Variants in XIRP2 observed in about 807,000 individuals in gnomAD.
XIRP2 encodes the protein xin actin-binding repeat-containing protein 2.
In XIRP2, 236 loss-of-function variants were observed where a neutral mutation model predicts 277.0. That is an observed-to-expected ratio of 0.85 (90% CI 0.77 to 0.95). The LOEUF (loss-of-function observed/expected upper bound fraction) is 0.95, where lower values mean the gene tolerates loss of function less well. Among genes scored for constraint, XIRP2 ranks in the 40% least tolerant of loss-of-function variants. XIRP2 has a pLI of 0.00. For missense variants in XIRP2, 4,640 were observed against 4,157.5 expected, an observed-to-expected ratio of 1.12 and a Z score of -3.19; for synonymous variants, 1,490 against 1,416.5, an observed-to-expected ratio of 1.05 and a Z score of -1.17.
chr2:166,997,936 G>A (rs1434861871), intron 2 of XIRP2, among the ~76,000 whole-genome samples: 1 of 151,676 alleles, frequency 6.6e-6, no homozygotes, highest in African/African-American at 2.4e-5. Flanking sequence ...AAGTTCAGTT[G>A]ACTAACGCTT....
At chr2:167,027,078 G>T (rs1688183220) in intron 2 of XIRP2, among the ~76,000 whole-genome samples, 1 of 152,048 alleles carries the variant, frequency 6.6e-6, no homozygotes, top group African/African-American at 2.4e-5. Context: ...AAGTTCTCCT[G>T]GATAATATCC....
intron 1 of XIRP2, among the ~76,000 whole-genome samples, chr2:166,891,052 G>A (rs921251869): frequency 2.0e-5 from 3 of 152,132 alleles, no homozygotes; most frequent in South Asian, 2.1e-4. Flanking sequence ...GCTATCTGGC[G>A]ACGTATGTCC....
At chr2:167,136,979 G>T (rs1691571790) in intron 3 of XIRP2, among the ~76,000 whole-genome samples, 1 of 152,172 alleles carries the variant, frequency 6.6e-6, no homozygotes, top group Non-Finnish European at 1.5e-5. Context: ...ATCACCTGGA[G>T]GCTTATTAGA....
At chr2:167,107,945 A>G (rs1690655991) in intron 2 of XIRP2, among the ~76,000 whole-genome samples, 1 of 151,662 alleles carries the variant, frequency 6.6e-6, no homozygotes, top group Non-Finnish European at 1.5e-5. Flanking sequence ...TTCCTATTGA[A>G]TGAGTTTTGA....
chr2:166,969,612 A>G (rs1172546865), intron 2 of XIRP2, among the ~76,000 whole-genome samples: 1 of 151,918 alleles, frequency 6.6e-6, no homozygotes, highest in Non-Finnish European at 1.5e-5. Flanking sequence ...TTCATATATG[A>G]CTTTTCTAAA....
Position 167,242,619 on chromosome 2 carries a change from C to T in XIRP2, c.1227C>T (p.Thr409=). 6.2e-7 allele frequency: 1 copy of T among 1,613,962 alleles called. No individual in the cohort carries two copies. Among genetic ancestry groups the T allele is most frequent in the Middle Eastern group, 1.6e-4 (1 of 6,062 alleles). ...TCAAGCCATCATCAGTTGTGAGTACCTCTTCCACTTCTTGCGTTTCAACCA... is the reference window on the plus strand; with the variant it reads ...TCAAGCCATCATCAGTTGTGAGTACTTCTTCCACTTCTTGCGTTTCAACCA... ...ETFKPSSVVS[T]SSTSCVSTSQ... Residue 409 remains threonine, a synonymous_variant, in exon 9 of 11, where the codon ACC becomes ACT. Transcript: ENST00000409195.
Position 167,247,157 on chromosome 2 carries a change from T to A in XIRP2, c.5765T>A (p.Leu1922Gln). The A allele has an allele frequency of 6.2e-7, 1 of 1,613,606 alleles. No individual in the cohort carries two copies. The highest frequency in any genetic ancestry group is 1.1e-5 in the South Asian group (1 of 91,064). The change falls in exon 9 of 11, where the codon CTG becomes CAG. Residue 1922 changes from leucine to glutamine, a missense_variant. Leu to Gln is a moderately radical substitution (Grantham distance 113). Coordinates refer to ENST00000409195, the MANE Select transcript of XIRP2 (RefSeq NM_152381.6). ...ILKKELLKDD[L>Q]ETSLRSLKEA... Reference sequence around the variant, plus strand: ...AAAAAGGAGCTTCTCAAAGATGACCTGGAAACATCACTAAGGTCTTTGAAA... The same window carrying A: ...AAAAAGGAGCTTCTCAAAGATGACCAGGAAACATCACTAAGGTCTTTGAAA...
intron 2 of XIRP2, among the ~76,000 whole-genome samples, chr2:167,060,210 C>T (rs1689143765): frequency 6.6e-6 from 1 of 151,890 alleles, no homozygotes; most frequent in Non-Finnish European, 1.5e-5. Flanking sequence ...AAAAAAAGGA[C>T]CAGAAATTTA....
chr2:167,193,449 C>G (rs1415701082), intron 3 of XIRP2, among the ~76,000 whole-genome samples: 1 of 152,126 alleles, frequency 6.6e-6, no homozygotes, highest in Non-Finnish European at 1.5e-5. Context: ...GCTGCCTATG[C>G]TTTTATATTG....
At chr2:167,069,023 A>C (rs144460992) in intron 2 of XIRP2, among the ~76,000 whole-genome samples, 108 of 152,268 alleles carry the variant, frequency 7.1e-4, no homozygotes, top group African/African-American at 2.5e-3. Flanking sequence ...GTTGTCCCTC[A>C]ATATCCATGG....
At chr2:166,981,180 T>C (rs1253205838) in intron 2 of XIRP2, among the ~76,000 whole-genome samples, 1 of 152,168 alleles carries the variant, frequency 6.6e-6, no homozygotes, top group Non-Finnish European at 1.5e-5. Flanking sequence ...CTGGGGGTCT[T>C]ACAACAATAG....
chr2:167,148,240 G>C (rs1019098352), intron 3 of XIRP2, among the ~76,000 whole-genome samples: 1 of 151,614 alleles, frequency 6.6e-6, no homozygotes, highest in Non-Finnish European at 1.5e-5. Context: ...ATATTTGCTG[G>C]GTGTGGTGGC....
intron 3 of XIRP2, among the ~76,000 whole-genome samples, chr2:167,194,195 C>T (rs1182102139): frequency 4.6e-5 from 7 of 151,850 alleles, no homozygotes; most frequent in Non-Finnish European, 1.0e-4. Context: ...GATTCTCCTG[C>T]TTCAGCCTCC....
intron 2 of XIRP2, among the ~76,000 whole-genome samples, chr2:166,935,160 T>G (rs1488327211): frequency 2.0e-5 from 3 of 152,214 alleles, no homozygotes; most frequent in Non-Finnish European, 4.4e-5. Context: ...AATGAAGTTT[T>G]TGAAATTTAT....
chr2:167,036,124 C>T (rs1688500526), intron 2 of XIRP2, among the ~76,000 whole-genome samples: 1 of 152,212 alleles, frequency 6.6e-6, no homozygotes, highest in Non-Finnish European at 1.5e-5. Flanking sequence ...AGAACCTCTG[C>T]TAGGGCGGTG....
chr2:167,053,467 G>T (rs181619735), intron 2 of XIRP2, among the ~76,000 whole-genome samples: 146 of 152,018 alleles, frequency 9.6e-4, no homozygotes, highest in African/African-American at 3.4e-3. Flanking sequence ...GGGTGCAATG[G>T]GTTGTTTTTA....
At chr2:166,987,064 A>G (rs1687025741) in intron 2 of XIRP2, among the ~76,000 whole-genome samples, 1 of 152,188 alleles carries the variant, frequency 6.6e-6, no homozygotes, top group Non-Finnish European at 1.5e-5. Context: ...GATGTTAATG[A>G]CATTTAATCT....
chr2:167,259,366 T>C lies in XIRP2; in HGVS notation c.*1549T>C. On this transcript the variant is annotated 3_prime_UTR_variant, in exon 11 of 11. Transcript: ENST00000409195. ...GGTGCTACAGTGACACTGAGTAAAA[T>C]ATCTATGGCCACTGACAGTCCACAC... The C allele has an allele frequency of 6.3e-7, 1 of 1,594,638 alleles. No homozygotes were observed.
intron 2 of XIRP2, among the ~76,000 whole-genome samples, chr2:167,127,898 C>T (rs992365495): frequency 6.6e-6 from 1 of 152,152 alleles, no homozygotes; most frequent in African/African-American, 2.4e-5. Context: ...TTGGGGTCCC[C>T]CTGGGGGTTC....
Sources: allele counts gnomAD v4.1 joint callset (sites outside exome capture counted in the v4.1 genomes callset), GRCh38; gene constraint gnomAD v4.1.1; transcripts MANE v1.5; gene names NCBI Gene and HGNC (gene_info 2026-07-23, HGNC 2026-07-21).